Variants in IGSF10 observed in about 807,000 individuals in gnomAD.
IGSF10 encodes calvaria mechanical force protein 608.
Under a neutral mutation model 128.2 loss-of-function variants are expected in IGSF10, and 126 were observed. That is an observed-to-expected ratio of 0.98 (90% confidence interval 0.85 to 1.14). The LOEUF (loss-of-function observed/expected upper bound fraction) is 1.14, where lower values mean the gene tolerates loss of function less well. IGSF10 is among the 50% of genes most tolerant of loss of function. The probability of loss-of-function intolerance (pLI) is 0.00; values close to 1 mark genes in which losing one functional copy is unlikely to be tolerated. For missense variants in IGSF10, 3,295 were observed against 3,149.8 expected (o/e 1.05, Z -1.10); for synonymous variants, 1,185 against 1,146.2 (o/e 1.03, Z -0.68).
chr3:151,570,918 G>A, the IGSF10 span, among the ~76,000 whole-genome samples: 61 of 152,252 alleles, frequency 4.0e-4, 1 homozygote, highest in South Asian at 8.3e-4. Flanking sequence ...TGTATAAGGT[G>A]TAAGGAAGGG....
chr3:151,513,953 T>C, the IGSF10 span, among the ~76,000 whole-genome samples: 51 of 152,238 alleles, frequency 3.4e-4, no homozygotes, highest in Admixed American at 3.1e-3. Flanking sequence ...TACCAACCAC[T>C]GCTCAAGGAA....
In IGSF10 at chr3:151,444,702, C is replaced by A. The variant is rs1721079427; in HGVS notation, c.5062+217G>T. ...TTTTTCAAATCATATTACTTTGAATCAGCTTTTGAGGCATTCCAAAAAATG... is the reference window on the plus strand; with the variant it reads ...TTTTTCAAATCATATTACTTTGAATAAGCTTTTGAGGCATTCCAAAAAATG... On this transcript the variant is annotated intron_variant, in intron 6 of 7. Transcript: ENST00000282466. Among the ~76,000 whole-genome samples, 3 of 152,310 alleles carry A rather than the reference C, an allele frequency of 2.0e-5. 1 individual carries two copies. In the South Asian group the frequency reaches 6.2e-4, roughly 32 times the overall value.
At chr3:151,456,473 T>G (rs940353570) in intron 4 of IGSF10, among the ~76,000 whole-genome samples, 1 of 152,216 alleles carries the variant, frequency 6.6e-6, no homozygotes, top group Admixed American at 6.5e-5. Context: ...GACTTAAAGG[T>G]CTCTATGTAT....
the IGSF10 span, among the ~76,000 whole-genome samples, chr3:151,594,621 C>A: frequency 6.7e-6 from 1 of 148,182 alleles, no homozygotes; most frequent in African/African-American, 2.5e-5. Context: ...CGCGCCCGGC[C>A]CTTTTTTTTT....
At chr3:151,504,754 C>T in the IGSF10 span, among the ~76,000 whole-genome samples, 1 of 152,178 alleles carries the variant, frequency 6.6e-6, no homozygotes, top group African/African-American at 2.4e-5. Flanking sequence ...GTGGCAACCA[C>T]CAAGTTTTAG....
At chr3:151,595,706 C>A in the IGSF10 span, among the ~76,000 whole-genome samples, 1 of 144,728 alleles carries the variant, frequency 6.9e-6, no homozygotes, top group African/African-American at 2.6e-5. Flanking sequence ...ACTGAGTGAT[C>A]TCACTGATAT....
Position 151,445,484 on chromosome 3 carries a change from T to A in IGSF10, c.4497A>T (p.Thr1499=). 1 of 1,614,202 alleles carries A rather than the reference T, an allele frequency of 6.2e-7. No homozygotes were observed. The highest frequency in any genetic ancestry group is 8.5e-7 in the Non-Finnish European group (1 of 1,180,042). ...NVATPISGLM[T]NTVVKLHESS... ...ATTCGTGCAGCTTGACCACTGTATT[T>A]GTCATAAGCCCGGAAATGGGAGTCG... The change falls in exon 6 of 8, where the codon ACA becomes ACT. Residue 1499 remains threonine, a synonymous_variant. Coordinates refer to ENST00000282466, the MANE Select transcript of IGSF10 (RefSeq NM_178822.5).
the IGSF10 span, among the ~76,000 whole-genome samples, chr3:151,481,685 A>G: frequency 6.6e-6 from 1 of 152,020 alleles, no homozygotes; most frequent in African/African-American, 2.4e-5. Flanking sequence ...AAGTCCACAA[A>G]CCTGACTCCA....
the IGSF10 span, among the ~76,000 whole-genome samples, chr3:151,509,742 C>A: frequency 6.6e-6 from 1 of 152,336 alleles, no homozygotes; most frequent in Non-Finnish European, 1.5e-5. Context: ...AAAGGGGTGA[C>A]AGACAGCACC....
the IGSF10 span, among the ~76,000 whole-genome samples, chr3:151,545,063 T>C: frequency 1.3e-5 from 2 of 152,248 alleles, no homozygotes; most frequent in Non-Finnish European, 2.9e-5. Context: ...TGGATCCTTC[T>C]TAATAGCCTT....
the IGSF10 span, among the ~76,000 whole-genome samples, chr3:151,555,862 C>A: frequency 6.6e-6 from 1 of 152,136 alleles, no homozygotes. Flanking sequence ...TGACTCTAGT[C>A]CTTGCCTTTC....
In IGSF10 at chr3:151,436,730, G is replaced by A; in HGVS notation, c.7831C>T (p.Leu2611Phe). 1 of 1,613,918 alleles carries A rather than the reference G, an allele frequency of 6.2e-7. No homozygotes were observed. The highest frequency in any genetic ancestry group is 8.5e-7 in the Non-Finnish European group (1 of 1,179,878). Reference sequence around the variant, plus strand: ...TACGTTGCTGCATAATCACTACCAAGTGGGTTCTTTGCTGTGCATTTGTAT... The same window carrying A: ...TACGTTGCTGCATAATCACTACCAAATGGGTTCTTTGCTGTGCATTTGTAT... ...GIYKCTAKNP[L>F]GSDYAATYIQ... Residue 2611 changes from leucine to phenylalanine, a missense_variant, in exon 8 of 8, where the codon CTT becomes TTT. Coordinates refer to ENST00000282466, the MANE Select transcript of IGSF10 (RefSeq NM_178822.5).
In IGSF10 at chr3:151,443,650, T is replaced by C; in HGVS notation, c.5297A>G (p.Lys1766Arg). 1 of 1,614,262 alleles carries C rather than the reference T, an allele frequency of 6.2e-7. No homozygotes were observed. The highest frequency in any genetic ancestry group is 8.5e-7 in the Non-Finnish European group (1 of 1,180,052). ...TVHSGSTVEL[K>R]CRAEGRPSPT... ...GCTTGGCCTACCTTCTGCTCTGCAC[T>C]TCAGTTCCACAGTGCTTCCGGAATG... Residue 1766 changes from lysine (K) to arginine (R), a missense_variant, in exon 7 of 8, where the codon AAG becomes AGG. Lys to Arg is a conservative substitution (Grantham distance 26). Coordinates refer to ENST00000282466, the MANE Select transcript of IGSF10 (RefSeq NM_178822.5).
At chr3:151,467,174 G>A in the IGSF10 span, among the ~76,000 whole-genome samples, 22 of 152,230 alleles carry the variant, frequency 1.4e-4, no homozygotes, top group Non-Finnish European at 3.1e-4. Context: ...AACTAACTTC[G>A]ACTGTTTCTT....
chr3:151,583,002 G>A, the IGSF10 span, among the ~76,000 whole-genome samples: 1 of 151,972 alleles, frequency 6.6e-6, no homozygotes. Context: ...TCTTACCCGT[G>A]GTCTTGCATG....
the IGSF10 span, among the ~76,000 whole-genome samples, chr3:151,466,477 G>A: frequency 4.6e-5 from 7 of 152,162 alleles, no homozygotes; most frequent in Non-Finnish European, 8.8e-5. Context: ...TTTTAATAAT[G>A]GAATTATCTC....
chr3:151,545,819 G>A, the IGSF10 span, among the ~76,000 whole-genome samples: 1 of 29,146 alleles, frequency 3.4e-5, no homozygotes, highest in Non-Finnish European at 6.0e-5. Context: ...GAAAATAAAC[G>A]TGGTGAATAT....
At chr3:151,457,233 AAG>A (rs1255727272) in intron 3 of IGSF10, 78 bp from the exon 4 acceptor site, 1 of 1,334,208 alleles carries the variant, frequency 7.5e-7, no homozygotes, top group African/African-American at 1.5e-5. Context: ...AAATAAACAC[AAG>A]AAAACTCAAT....
At chr3:151,480,447 C>T in the IGSF10 span, among the ~76,000 whole-genome samples, 4 of 152,074 alleles carry the variant, frequency 2.6e-5, no homozygotes, top group African/African-American at 4.8e-5. Flanking sequence ...TAAGCCCAGC[C>T]GAGAGAGCTC....
Sources: allele counts gnomAD v4.1 joint callset (sites outside exome capture counted in the v4.1 genomes callset), GRCh38; gene constraint gnomAD v4.1.1; transcripts MANE v1.5; gene names NCBI Gene and HGNC (gene_info 2026-07-23, HGNC 2026-07-21).